HOMER2: variants seen among roughly 807,000 people sequenced by gnomAD.
The protein encoded by HOMER2 is homer protein homolog 2.
HOMER2 carries 27 observed loss-of-function variants against 47.0 expected under a neutral mutation model. That is an observed-to-expected ratio of 0.57 (90% CI 0.42 to 0.79). HOMER2 has a LOEUF of 0.79. HOMER2 is among the 30% of genes least tolerant of loss of function. The pLI, the probability that HOMER2 is intolerant of heterozygous loss-of-function variation, is 0.00. For missense variants in HOMER2, 443 were observed against 435.0 expected (o/e 1.02, Z -0.16); for synonymous variants, 161 against 163.8 (o/e 0.98, Z 0.13).
At chr15:82,937,985 C>A (rs149106520) in intron 1 of HOMER2, among the ~76,000 whole-genome samples, 1 of 152,348 alleles carries the variant, frequency 6.6e-6, no homozygotes, top group Non-Finnish European at 1.5e-5. Context: ...GCTCACTCCT[C>A]GCCCCAACCC....
At chr15:82,916,118 T>C (rs193150919) in intron 1 of HOMER2, among the ~76,000 whole-genome samples, 4 of 152,302 alleles carry the variant, frequency 2.6e-5, no homozygotes, top group African/African-American at 9.6e-5. Flanking sequence ...TGAGTGTCAC[T>C]TGAAACTTCT....
chr15:82,902,831 G>A (rs975957427), intron 1 of HOMER2, among the ~76,000 whole-genome samples: 2 of 152,152 alleles, frequency 1.3e-5, no homozygotes, highest in African/African-American at 4.8e-5. Flanking sequence ...TAAAAATGAA[G>A]TTAGATATCT....
intron 1 of HOMER2, among the ~76,000 whole-genome samples, chr15:82,907,731 T>TA (rs1277396441): frequency 6.6e-6 from 1 of 152,156 alleles, no homozygotes; most frequent in Admixed American, 6.5e-5. Flanking sequence ...TTCTGGGCCA[T>TA]AAAACACACC....
intron 1 of HOMER2, among the ~76,000 whole-genome samples, chr15:82,924,181 G>A (rs1183788358): frequency 6.6e-6 from 1 of 152,124 alleles, no homozygotes; most frequent in Non-Finnish European, 1.5e-5. Flanking sequence ...ACATTCTCCC[G>A]TCACTCTGGA....
At chr15:82,882,750 G>A (rs150044761) in intron 2 of HOMER2, among the ~76,000 whole-genome samples, 2,970 of 152,224 alleles carry the variant, frequency 0.02, 44 homozygotes, top group Non-Finnish European at 0.03. Context: ...AATGACAGCT[G>A]CTGAAGCTGT....
intron 1 of HOMER2, among the ~76,000 whole-genome samples, chr15:82,969,019 T>C (rs747267153): frequency 4.6e-5 from 7 of 152,260 alleles, no homozygotes; most frequent in Non-Finnish European, 1.0e-4. Flanking sequence ...ACATCACTTA[T>C]GTCCTCTCAT....
intron 1 of HOMER2, among the ~76,000 whole-genome samples, chr15:82,918,936 A>G (rs1217604788): frequency 6.6e-6 from 1 of 152,196 alleles, no homozygotes; most frequent in Non-Finnish European, 1.5e-5. Context: ...TGCCTGGCAG[A>G]TCACAGATTT....
intron 2 of HOMER2, among the ~76,000 whole-genome samples, chr15:82,891,644 T>C (rs546785243): frequency 5.3e-4 from 80 of 152,060 alleles, no homozygotes; most frequent in African/African-American, 1.8e-3. Context: ...TCCTGTTGCA[T>C]AGGAAGGCTG....
At chr15:82,952,791 C>CTCCCCA, upstream of HOMER2, 2 of 827,454 alleles carry the variant, frequency 2.4e-6, no homozygotes, top group South Asian at 5.5e-5. Flanking sequence ...TACCCCCGCC[C>CTCCCCA]GGCTCCTTAC....
intron 1 of HOMER2, among the ~76,000 whole-genome samples, chr15:82,972,414 C>T (rs188397308): frequency 2.0e-5 from 3 of 152,278 alleles, no homozygotes; most frequent in Admixed American, 1.3e-4. Context: ...ATGGCCACGT[C>T]GGCCATGGAA....
chr15:82,985,852 C>G (rs543764193), exon 1 of HOMER2: 1 of 153,828 alleles, frequency 6.5e-6, no homozygotes, highest in East Asian at 1.9e-4. Context: ...GTCTACTCTT[C>G]ACCGCCTGCT....
At chr15:82,955,940 T>A (rs2054583496), upstream of HOMER2, among the ~76,000 whole-genome samples, 1 of 152,062 alleles carries the variant, frequency 6.6e-6, no homozygotes, top group South Asian at 2.1e-4. Context: ...TGAAGAGACA[T>A]TTAAAAAGAG....
At chr15:82,893,339 T>C (rs1429126949) in intron 1 of HOMER2, among the ~76,000 whole-genome samples, 2 of 149,642 alleles carry the variant, frequency 1.3e-5, no homozygotes, top group African/African-American at 4.9e-5. Context: ...CTTTTTTTTT[T>C]TTTTTTTTTT....
downstream of HOMER2, chr15:82,847,359 A>G (rs1015099747): frequency 6.6e-6 from 1 of 152,244 alleles, no homozygotes; most frequent in African/African-American, 2.4e-5. Flanking sequence ...GCCAAGCCCA[A>G]CTTACCTTTC....
intron 5 of HOMER2, among the ~76,000 whole-genome samples, chr15:82,857,991 TTAGGAGAAAC>T (rs1398720401): frequency 6.6e-5 from 10 of 152,206 alleles, no homozygotes; most frequent in Non-Finnish European, 1.5e-4. Flanking sequence ...ATAGATCAAT[TTAGGAGAAAC>T]TGATACTTTT....
At position 82,868,074 on chromosome 15, in the gene HOMER2, AAATAC is replaced by A. The variant is rs572388792; in HGVS notation, c.295-3820_295-3816del. 1.6e-3 allele frequency among the ~76,000 whole-genome samples: 237 copies of A among 152,258 alleles called. 1 individual carries two copies. Among genetic ancestry groups the A allele is most frequent in the Admixed American group, 3.3e-3 (50 of 15,290 alleles). ...ATATATATATGCTTGTAAATTTGGA[AAATAC>A]AATTTAGAAAAAAATATTTTTTTCA... On this transcript the variant is annotated intron_variant, in intron 3 of 8. Transcript: ENST00000450735.
At chr15:82,891,493 G>C (rs186046542) in intron 2 of HOMER2, among the ~76,000 whole-genome samples, 14 of 152,284 alleles carry the variant, frequency 9.2e-5, no homozygotes, top group Non-Finnish European at 2.9e-5. Flanking sequence ...AAGAGATCGG[G>C]AGGCACCAGC....
downstream of HOMER2, chr15:82,844,964 G>A (rs192720243): frequency 2.0e-5 from 3 of 152,142 alleles, no homozygotes; most frequent in Admixed American, 6.6e-5. Flanking sequence ...CGTGGTTTAC[G>A]GGCTCCTGCC....
At chr15:82,844,837 G>T (rs1267375975), downstream of HOMER2, 1 of 152,200 alleles carries the variant, frequency 6.6e-6, no homozygotes, top group Non-Finnish European at 1.5e-5. Context: ...CTGACGTAAA[G>T]TCGGGACTTC....
Sources: gnomAD v4.1 joint callset for allele counts (sites outside exome capture counted in the v4.1 genomes callset) on GRCh38, gnomAD v4.1.1 for gene constraint, MANE v1.5 for transcripts, NCBI Gene and HGNC (gene_info 2026-07-23, HGNC 2026-07-21) for gene names.